NPSR1: variants seen among roughly 807,000 people sequenced by gnomAD.
The protein encoded by NPSR1 is neuropeptide S receptor.
NPSR1 carries 48 observed loss-of-function variants against 46.9 expected under a neutral mutation model. The ratio of observed to expected loss-of-function variants is 1.02; its 90% CI spans 0.81 to 1.30. The LOEUF (loss-of-function observed/expected upper bound fraction) is 1.30, where lower values mean the gene tolerates loss of function less well. Ranked by LOEUF, NPSR1 falls within the 50% of genes most tolerant of loss-of-function variation. The pLI is 0.00. For synonymous variants in NPSR1, 176 were observed against 168.1 expected (o/e 1.05, Z -0.36); for missense variants, 450 against 449.5 (o/e 1.00, Z -0.01).
At chr7:34,742,069 T>G (rs1010811974) in intron 2 of NPSR1, among the ~76,000 whole-genome samples, 4 of 152,238 alleles carry the variant, frequency 2.6e-5, no homozygotes, top group African/African-American at 9.6e-5. Context: ...TTTCACTTTC[T>G]TCTTCTCTAA....
chr7:34,741,509 G>A (rs1375870696), intron 2 of NPSR1, among the ~76,000 whole-genome samples: 2 of 152,292 alleles, frequency 1.3e-5, no homozygotes, highest in South Asian at 2.1e-4. Flanking sequence ...AGCTGCTGTG[G>A]ACAATTCCTT....
intron 2 of NPSR1, among the ~76,000 whole-genome samples, chr7:34,709,227 C>G (rs930633257): frequency 1.3e-5 from 2 of 152,126 alleles, no homozygotes; most frequent in African/African-American, 4.8e-5. Flanking sequence ...AATAGAGTGA[C>G]AAAATACAGC....
chr7:34,812,946 T>C (rs924787531), intron 4 of NPSR1, among the ~76,000 whole-genome samples: 17 of 152,170 alleles, frequency 1.1e-4, no homozygotes, highest in African/African-American at 3.1e-4. Context: ...TTAGGATAAA[T>C]ATAATTAACG....
At chr7:34,663,020 GGCA>G in intron 1 of NPSR1, among the ~76,000 whole-genome samples, 1 of 135,686 alleles carries the variant, frequency 7.4e-6, no homozygotes, top group East Asian at 2.0e-4. Context: ...TAACTCCAGG[GGCA>G]GTGCTTCTGT....
intron 6 of NPSR1, among the ~76,000 whole-genome samples, chr7:34,844,436 G>GT (rs1213358904): frequency 2.0e-5 from 3 of 151,578 alleles, no homozygotes; most frequent in African/African-American, 4.8e-5. Flanking sequence ...TCTTGAGAGC[G>GT]TTTTTTTGTT....
intron 2 of NPSR1, among the ~76,000 whole-genome samples, chr7:34,717,675 T>C (rs975941399): frequency 6.6e-6 from 1 of 152,162 alleles, no homozygotes; most frequent in East Asian, 1.9e-4. Context: ...TGAAGCCCAG[T>C]AGGGTCTTCA....
chr7:34,748,767 A>G (rs1036374623), intron 2 of NPSR1, among the ~76,000 whole-genome samples: 3 of 151,902 alleles, frequency 2.0e-5, no homozygotes, highest in African/African-American at 7.3e-5. Flanking sequence ...AGTGGGGGAA[A>G]TATCCTGCCT....
intron 3 of NPSR1, among the ~76,000 whole-genome samples, chr7:34,795,096 T>G (rs981339641): frequency 2.0e-5 from 3 of 152,082 alleles, no homozygotes; most frequent in African/African-American, 7.2e-5. Flanking sequence ...CCCAAAAAAG[T>G]AAGACTGGTT....
chr7:34,736,061 T>A (rs189135754), intron 2 of NPSR1, among the ~76,000 whole-genome samples: 1 of 152,178 alleles, frequency 6.6e-6, no homozygotes, highest in Non-Finnish European at 1.5e-5. Flanking sequence ...TGATAAAACA[T>A]ATAAGATTGT....
In NPSR1 at chr7:34,658,480, C is replaced by T; in HGVS notation, c.68C>T (p.Pro23Leu). 6.2e-7 allele frequency: 1 copy of T among 1,614,154 alleles called. No homozygotes were observed. Among genetic ancestry groups the T allele is most frequent in the Non-Finnish European group, 8.5e-7 (1 of 1,179,994 alleles). ...ACCGGGCAGACGCTGGATTCTTCCCCAGTGGCTTGCACTGAAACAGTGACT... is the reference window on the plus strand; with the variant it reads ...ACCGGGCAGACGCTGGATTCTTCCCTAGTGGCTTGCACTGAAACAGTGACT... ...SGTGQTLDSS[P>L]VACTETVTFT... The change falls in exon 1 of 9, where the codon CCA becomes CTA. Residue 23 changes from proline (P) to leucine (L), a missense_variant. Coordinates refer to ENST00000360581, the MANE Select transcript of NPSR1 (RefSeq NM_207172.2).
intron 8 of NPSR1, among the ~76,000 whole-genome samples, chr7:34,874,984 A>G (rs1413734069): frequency 4.6e-5 from 7 of 152,100 alleles, no homozygotes; most frequent in Admixed American, 3.9e-4. Context: ...TTCCTCTATC[A>G]CTTATCTCAC....
chr7:34,702,945 T>C (rs1368153043), intron 2 of NPSR1, among the ~76,000 whole-genome samples: 1 of 152,246 alleles, frequency 6.6e-6, no homozygotes, highest in Non-Finnish European at 1.5e-5. Flanking sequence ...AAAAGGTCCC[T>C]GTAAACAAAA....
At chr7:34,853,338 C>T (rs758255955), downstream of NPSR1, among the ~76,000 whole-genome samples, 9 of 152,186 alleles carry the variant, frequency 5.9e-5, no homozygotes, top group Non-Finnish European at 1.0e-4. Flanking sequence ...CCAATTTTCT[C>T]GTCATCATTT....
intron 4 of NPSR1, among the ~76,000 whole-genome samples, chr7:34,823,480 C>A (rs1584100123): frequency 2.1e-5 from 3 of 145,530 alleles, no homozygotes; most frequent in South Asian, 2.2e-4. Flanking sequence ...TAAAGAATTG[C>A]AAAATTGAAC....
intron 1 of NPSR1, among the ~76,000 whole-genome samples, chr7:34,679,032 G>A (rs1792478277): frequency 6.6e-6 from 1 of 152,136 alleles, no homozygotes; most frequent in Non-Finnish European, 1.5e-5. Context: ...TTATTTCTCA[G>A]TGTGAAGTCA....
At chr7:34,752,060 T>C in intron 2 of NPSR1, 1 of 650,124 alleles carries the variant, frequency 1.5e-6, no homozygotes, top group Non-Finnish European at 2.8e-6. Flanking sequence ...GAGAGTTTTA[T>C]TTTCTGCAAC....
intron 2 of NPSR1, among the ~76,000 whole-genome samples, chr7:34,764,997 CAG>C (rs765715201): frequency 2.6e-5 from 4 of 152,100 alleles, no homozygotes; most frequent in Non-Finnish European, 5.9e-5. Flanking sequence ...CAGCTGAAAG[CAG>C]AGAGTGGGGC....
At chr7:34,830,305 T>G (rs1454950652) in intron 5 of NPSR1, among the ~76,000 whole-genome samples, 1 of 152,206 alleles carries the variant, frequency 6.6e-6, no homozygotes, top group Non-Finnish European at 1.5e-5. Context: ...GTGTTCACCA[T>G]GCCTCATTCT....
intron 2 of NPSR1, among the ~76,000 whole-genome samples, chr7:34,729,853 A>G (rs1382416760): frequency 1.3e-5 from 2 of 152,162 alleles, no homozygotes; most frequent in Non-Finnish European, 2.9e-5. Context: ...ACTCACTGCA[A>G]CCTCCGCCTC....
Sources: gnomAD v4.1 joint callset for allele counts (sites outside exome capture counted in the v4.1 genomes callset) on GRCh38, gnomAD v4.1.1 for gene constraint, MANE v1.5 for transcripts, NCBI Gene and HGNC (gene_info 2026-07-23, HGNC 2026-07-21) for gene names.